Variants in GTF2H3 observed in about 807,000 individuals in gnomAD.
GTF2H3 encodes TFIIH basal transcription factor complex p34 subunit.
Under a neutral mutation model 51.1 loss-of-function variants are expected in GTF2H3, and 42 were observed. That is an observed-to-expected ratio of 0.82 (90% confidence interval 0.64 to 1.06). The LOEUF is 1.06. Among genes scored for constraint, GTF2H3 ranks in the 50% least tolerant of loss-of-function variants. The pLI is 0.00. For synonymous variants in GTF2H3, 123 were observed against 123.8 expected, an observed-to-expected ratio of 0.99 and a Z score of 0.04; for missense variants, 326 against 366.1, an observed-to-expected ratio of 0.89 and a Z score of 0.89.
chr12:123,639,200 G>A, intron 1 of GTF2H3, 64 bp from the exon 2 acceptor site: 1 of 794,534 alleles, frequency 1.3e-6, no homozygotes, highest in Non-Finnish European at 2.2e-6. Flanking sequence ...AATTGGGAAT[G>A]TTAGCTTTGA....
intron 4 of GTF2H3, chr12:123,650,289 C>T (rs1955503518): frequency 6.6e-6 from 1 of 152,194 alleles, no homozygotes. Context: ...AAACTCCTCC[C>T]TGCTTCTCAT....
Position 123,634,601 on chromosome 12 carries a change from A to C in GTF2H3, c.13+729A>C, listed in dbSNP as rs554567664. ...AGTGCAGGATATTGAAACCGACTTGAATGATTATGTGAAGTTCTGGGGGAA... is the reference window on the plus strand; with the variant it reads ...AGTGCAGGATATTGAAACCGACTTGCATGATTATGTGAAGTTCTGGGGGAA... On this transcript the variant is annotated intron_variant, in intron 1 of 12. Transcript: ENST00000543341. Among the ~76,000 whole-genome samples the C allele has an allele frequency of 4.4e-4, 67 of 152,292 alleles. 1 individual carries two copies. The highest frequency in any genetic ancestry group is 8.1e-4 in the Non-Finnish European group (55 of 68,018).
chr12:123,650,898 T>C, intron 4 of GTF2H3, 96 bp from the exon 5 acceptor site: 1 of 732,714 alleles, frequency 1.4e-6, no homozygotes, highest in South Asian at 1.5e-5. Flanking sequence ...AAGAATGCTT[T>C]GGTGTGAAAG....
chr12:123,635,844 C>T (rs1955275922), intron 1 of GTF2H3, among the ~76,000 whole-genome samples: 1 of 152,146 alleles, frequency 6.6e-6, no homozygotes, highest in Non-Finnish European at 1.5e-5. Context: ...ATAGTAAGTG[C>T]TAAGTGTCAT....
At chr12:123,634,155 C>T (rs913295182) in intron 1 of GTF2H3, among the ~76,000 whole-genome samples, 4 of 152,130 alleles carry the variant, frequency 2.6e-5, no homozygotes, top group Non-Finnish European at 5.9e-5. Flanking sequence ...ATAATTTCGG[C>T]CGGGTCGCAC....
At chr12:123,658,761 C>G (rs1955617382) in intron 9 of GTF2H3, among the ~76,000 whole-genome samples, 1 of 152,088 alleles carries the variant, frequency 6.6e-6, no homozygotes, top group African/African-American at 2.4e-5. Context: ...TCCAAGGGCA[C>G]TATCAAGAAA....
At chr12:123,645,639 C>T in intron 3 of GTF2H3, 78 bp downstream of exon 3, 1 of 754,054 alleles carries the variant, frequency 1.3e-6, no homozygotes, top group South Asian at 1.6e-5. Flanking sequence ...ATGTATTGTT[C>T]CTACTCCATG....
At chr12:123,646,236 A>G (rs890366681) in intron 3 of GTF2H3, among the ~76,000 whole-genome samples, 11 of 151,948 alleles carry the variant, frequency 7.2e-5, no homozygotes, top group Non-Finnish European at 1.6e-4. Flanking sequence ...TTACCATGTA[A>G]GACACAGCTC....
chr12:123,641,144 C>G (rs553796980), intron 2 of GTF2H3, among the ~76,000 whole-genome samples: 96 of 151,892 alleles, frequency 6.3e-4, no homozygotes, highest in African/African-American at 2.2e-3. Flanking sequence ...AGAGCAAGAC[C>G]CCGTCTCAAA....
At chr12:123,649,660 G>A (rs760928206) in intron 4 of GTF2H3, 1 of 152,174 alleles carries the variant, frequency 6.6e-6, no homozygotes, top group Non-Finnish European at 1.5e-5. Flanking sequence ...CCAAACCTTA[G>A]CCTGAATCAG....
At position 123,662,530 on chromosome 12, in the gene GTF2H3, G is replaced by A. The variant is rs1955670103; in HGVS notation, c.*2295G>A. 6.6e-6 allele frequency: 1 copy of A among 151,952 alleles called. No homozygotes were observed. The highest frequency in any genetic ancestry group is 1.5e-5 in the Non-Finnish European group (1 of 67,966). The allele number at this position is 151,952 out of a possible 1,614,324, so 9.4% of individuals were successfully genotyped here. A position where few individuals can be genotyped will look rare whatever the true frequency, so the allele number is the denominator to read the frequency against. On this transcript the variant is annotated 3_prime_UTR_variant, in exon 13 of 13. Coordinates refer to ENST00000543341, the MANE Select transcript of GTF2H3 (RefSeq NM_001516.5). ...ATATCTTATATATTTGGTTAGTTCTGTTTAACTTGTTTTTAACTGTTGCCC... is the reference window on the plus strand; with the variant it reads ...ATATCTTATATATTTGGTTAGTTCTATTTAACTTGTTTTTAACTGTTGCCC...
At chr12:123,639,472 AT>A (rs569121685) in intron 2 of GTF2H3, 129 bp downstream of exon 2, 30 of 550,198 alleles carry the variant, frequency 5.5e-5, no homozygotes, top group East Asian at 1.8e-4. Flanking sequence ...CAATTCAGTG[AT>A]TTTTTTTAAG....
chr12:123,654,249 T>C (rs893382444), intron 7 of GTF2H3, among the ~76,000 whole-genome samples: 5 of 130,356 alleles, frequency 3.8e-5, no homozygotes, highest in African/African-American at 1.1e-4. Context: ...GTATTTGGGG[T>C]GTGTATATTT....
In GTF2H3 at chr12:123,639,348, G is replaced by C. The variant is rs771762484; in HGVS notation, c.93+5G>C. ...CAAGCATTAAAGGAATCTCAGGTAA[G>C]ACTGCTTGAGGAGGCCTTTGGAGAA... is the stretch of plus-strand genomic sequence containing the variant. On this transcript the variant is annotated splice_donor_5th_base_variant and intron_variant, in intron 2 of 12. Coordinates refer to ENST00000543341, the MANE Select transcript of GTF2H3 (RefSeq NM_001516.5). 15 of 1,495,146 alleles carry C rather than the reference G, an allele frequency of 1.0e-5. No individual in the cohort carries two copies. The South Asian group carries it at 1.7e-4, about 17-fold the overall frequency. The allele number at this position is 1,495,146 out of a possible 1,614,324, so 92.6% of individuals were successfully genotyped here.
Position 123,645,448 on chromosome 12 carries a change from C to G in GTF2H3, c.94-7C>G, listed in dbSNP as rs374884792. 39 of 1,441,106 alleles carry G rather than the reference C, an allele frequency of 2.7e-5. No homozygotes were observed. The highest frequency in any genetic ancestry group is 3.4e-5 in the Non-Finnish European group (35 of 1,032,720). 89.3% of individuals were successfully genotyped at this position (1,441,106 alleles called of 1,614,324 possible). The stretch of plus-strand genomic sequence containing the variant: ...TTGTTTTTCTAATGTCTTTTTTTTT[C>G]CAACAGTTCACTTTATCCAAATGCA... On this transcript the variant is annotated splice_region_variant and splice_polypyrimidine_tract_variant and intron_variant, in intron 2 of 12. Coordinates refer to ENST00000543341, the MANE Select transcript of GTF2H3 (RefSeq NM_001516.5).
At chr12:123,647,471 C>CA (rs1221596131) in intron 3 of GTF2H3, among the ~76,000 whole-genome samples, 93 of 134,506 alleles carry the variant, frequency 6.9e-4, no homozygotes, top group Middle Eastern at 3.8e-3. Flanking sequence ...GACTGTGTCT[C>CA]AAAAAAAAAA....
chr12:123,633,902 T>G, intron 1 of GTF2H3, 30 bp downstream of exon 1: 1 of 1,612,048 alleles, frequency 6.2e-7, no homozygotes, highest in African/African-American at 1.3e-5. Context: ...GGACTTCGAC[T>G]CCGGGGCTCG....
chr12:123,660,081 GA>G lies in GTF2H3; in HGVS notation c.857del (p.Glu286GlyfsTer12). 1 of 1,607,728 alleles carries G rather than the reference GA, an allele frequency of 6.2e-7. No individual in the cohort carries two copies. The highest frequency in any genetic ancestry group is 8.5e-7 in the Non-Finnish European group (1 of 1,178,504). On this transcript the variant is annotated frameshift_variant and splice_region_variant, in exon 12 of 13. Transcript: ENST00000543341. LOFTEE classifies it high-confidence loss of function. Reference sequence around the variant, plus strand: ...TTTCAGCCCCATTTGTACTACGTGCGAGTAAGTATCTTTGAGATTGTGTGGG... The same window carrying G: ...TTTCAGCCCCATTTGTACTACGTGCGGTAAGTATCTTTGAGATTGTGTGGG... The part of the protein sequence containing the change: ...CNFSPICTTC[E>X]TAFKISLPPV...
chr12:123,645,492 T>C lies in GTF2H3; in HGVS notation c.131T>C (p.Leu44Pro). The C allele has an allele frequency of 6.2e-7, 1 of 1,609,810 alleles. No individual in the cohort carries two copies. Among genetic ancestry groups the C allele is most frequent in the Non-Finnish European group, 8.5e-7 (1 of 1,176,108 alleles). ...LSKCIDAVMV[L>P]GNSHLFMNRS... ...AAATGCATAGATGCCGTGATGGTGCTGGGAAATTCGCATTTATTCATGAAT... is the reference window on the plus strand; with the variant it reads ...AAATGCATAGATGCCGTGATGGTGCCGGGAAATTCGCATTTATTCATGAAT... Residue 44 changes from leucine to proline, a missense_variant, in exon 3 of 13, where the codon CTG (leucine) becomes CCG (proline). Coordinates refer to ENST00000543341, the MANE Select transcript of GTF2H3 (RefSeq NM_001516.5).
Sources: gnomAD v4.1 joint callset for allele counts (sites outside exome capture counted in the v4.1 genomes callset) on GRCh38, gnomAD v4.1.1 for gene constraint, MANE v1.5 for transcripts, NCBI Gene and HGNC (gene_info 2026-07-23, HGNC 2026-07-21) for gene names.